The following EPHA6 variants were observed in gnomAD, a reference collection of about 807,000 sequenced individuals.
The protein encoded by EPHA6 is ephrin type-A receptor 6.
In EPHA6, 50 loss-of-function variants were observed where a neutral mutation model predicts 112.0. That is an observed-to-expected ratio of 0.45 (90% CI 0.36 to 0.56). EPHA6 has a LOEUF of 0.56. EPHA6 is among the 20% of genes least tolerant of loss of function. EPHA6 has a pLI of 0.00. For synonymous variants in EPHA6, 529 were observed against 490.7 expected, an observed-to-expected ratio of 1.08 and a Z score of -1.03; for missense variants, 1,280 against 1,417.4, an observed-to-expected ratio of 0.90 and a Z score of 1.56.
chr3:97,280,636 A>C (rs2108661542), intron 5 of EPHA6, among the ~76,000 whole-genome samples: 1 of 152,222 alleles, frequency 6.6e-6, no homozygotes, highest in East Asian at 1.9e-4. Flanking sequence ...GTGTGTCAAT[A>C]ATTTGAACAT....
At chr3:97,744,304 T>C (rs1006809047) in intron 16 of EPHA6, among the ~76,000 whole-genome samples, 2 of 152,066 alleles carry the variant, frequency 1.3e-5, no homozygotes, top group Admixed American at 6.6e-5. Context: ...AATTTCTACA[T>C]GCTTAGCAAA....
At chr3:97,693,903 T>C (rs2032844675) in intron 14 of EPHA6, among the ~76,000 whole-genome samples, 1 of 152,200 alleles carries the variant, frequency 6.6e-6, no homozygotes, top group Non-Finnish European at 1.5e-5. Context: ...ATCATCATCA[T>C]CATTATTATT....
intron 5 of EPHA6, among the ~76,000 whole-genome samples, chr3:97,349,127 T>C (rs1236336184): frequency 6.6e-6 from 1 of 152,096 alleles, no homozygotes; most frequent in Non-Finnish European, 1.5e-5. Context: ...AAAATTTATC[T>C]GGTATCAATT....
chr3:97,144,214 A>T (rs2108359444), intron 3 of EPHA6, among the ~76,000 whole-genome samples: 1 of 151,852 alleles, frequency 6.6e-6, no homozygotes, highest in Middle Eastern at 3.4e-3. Flanking sequence ...TAGTATAGGT[A>T]TACTAATTAT....
chr3:97,420,244 A>G (rs2088506267), intron 6 of EPHA6, among the ~76,000 whole-genome samples: 1 of 151,920 alleles, frequency 6.6e-6, no homozygotes, highest in African/African-American at 2.4e-5. Context: ...TTCTCTGTGA[A>G]CCCTTTGATA....
At chr3:96,951,360 G>A (rs943440138) in intron 2 of EPHA6, among the ~76,000 whole-genome samples, 15 of 151,940 alleles carry the variant, frequency 9.9e-5, no homozygotes, top group African/African-American at 3.4e-4. Flanking sequence ...TCAATCAGTA[G>A]CATTTATAAA....
intron 2 of EPHA6, among the ~76,000 whole-genome samples, chr3:96,884,703 A>G (rs892790780): frequency 6.6e-6 from 1 of 152,104 alleles, no homozygotes; most frequent in Admixed American, 6.6e-5. Context: ...ACCGATTTGG[A>G]TGCCCTTTAT....
rs562716801 is a variant in EPHA6, at chr3:96,833,961, C to A, written c.385+18953C>A. On this transcript the variant is annotated intron_variant, in intron 1 of 17. Transcript: ENST00000389672. ...AAAAAAATTTCCCAAAGCTAACTGA[C>A]AACAACAAAAGAAACAGTAATAACT... is the stretch of plus-strand genomic sequence containing the variant. Among the ~76,000 whole-genome samples the A allele has an allele frequency of 8.6e-5, 13 of 151,944 alleles. No individual in the cohort carries two copies. The South Asian group carries it at 2.5e-3, about 29-fold the overall frequency.
chr3:97,221,150 T>C (rs1402019440), intron 3 of EPHA6, among the ~76,000 whole-genome samples: 1 of 151,080 alleles, frequency 6.6e-6, no homozygotes, highest in East Asian at 1.9e-4. Flanking sequence ...TCGACTCTAC[T>C]AAAAATGCAG....
intron 1 of EPHA6, among the ~76,000 whole-genome samples, chr3:96,841,064 A>G (rs1485295722): frequency 1.3e-5 from 2 of 152,040 alleles, no homozygotes; most frequent in Non-Finnish European, 2.9e-5. Context: ...TGGTAGGCGA[A>G]CGTTTGGTTT....
intron 2 of EPHA6, among the ~76,000 whole-genome samples, chr3:96,871,586 CT>C (rs199979192): frequency 6.6e-6 from 1 of 151,682 alleles, no homozygotes; most frequent in Non-Finnish European, 1.5e-5. Context: ...AGAATGAGTA[CT>C]TTTTTCATTT....
At chr3:97,532,582 C>A in intron 11 of EPHA6, 39 bp downstream of exon 11, 1 of 1,516,880 alleles carries the variant, frequency 6.6e-7, no homozygotes, top group Non-Finnish European at 8.9e-7. Context: ...TTTCACACAC[C>A]TATCTCAGTT....
rs1305771002 is a variant in EPHA6, at chr3:97,086,771, C to T, written c.1114+98778C>T. On this transcript the variant is annotated intron_variant, in intron 3 of 17. Coordinates refer to ENST00000389672, the MANE Select transcript of EPHA6 (RefSeq NM_001080448.3). ...CAGGGAGAAATCAAAAGATTTTGTA[C>T]ATGGGAATTTATTACTCTGATGAAT... 2.6e-5 allele frequency among the ~76,000 whole-genome samples: 4 copies of T among 152,038 alleles called. No homozygotes were observed. The East Asian group carries it at 7.7e-4, about 29-fold the overall frequency.
chr3:97,187,737 G>GAA (rs1180267205), intron 3 of EPHA6, among the ~76,000 whole-genome samples: 2 of 147,622 alleles, frequency 1.4e-5, no homozygotes, highest in South Asian at 4.3e-4. Context: ...AAGAAAGAAA[G>GAA]AAAGAAAGAG....
intron 3 of EPHA6, among the ~76,000 whole-genome samples, chr3:97,218,981 A>C (rs1437647887): frequency 2.0e-5 from 3 of 152,126 alleles, no homozygotes; most frequent in African/African-American, 7.2e-5. Flanking sequence ...TAAGTCTGAA[A>C]TCTAGTGTGG....
At chr3:97,594,110 T>C (rs909490510) in intron 12 of EPHA6, among the ~76,000 whole-genome samples, 1 of 152,186 alleles carries the variant, frequency 6.6e-6, no homozygotes, top group African/African-American at 2.4e-5. Context: ...ATGAGCAGAT[T>C]GTGTAGAGTT....
intron 10 of EPHA6, among the ~76,000 whole-genome samples, chr3:97,500,353 C>T (rs866385105): frequency 2.6e-5 from 4 of 152,112 alleles, no homozygotes; most frequent in Middle Eastern, 3.4e-3. Context: ...ACGATGCTGA[C>T]ACCTGCTCAG....
rs376067537 is a variant in EPHA6 at position 97,177,013 on chromosome 3, C to T, written c.1115-49251C>T. On this transcript the variant is annotated intron_variant, in intron 3 of 17. Transcript: ENST00000389672. ...AGTTTTCCCTCTCTTTTGATGTAGG[C>T]ACTTGTAGCTATAAATTTTCCTCTG... Among the ~76,000 whole-genome samples the T allele has an allele frequency of 4.3e-4, 66 of 151,834 alleles. 1 individual carries two copies. The highest frequency in any genetic ancestry group is 1.3e-3 in the African/African-American group (56 of 41,490).
At chr3:96,951,189 C>G (rs184284610) in intron 2 of EPHA6, among the ~76,000 whole-genome samples, 143 of 152,220 alleles carry the variant, frequency 9.4e-4, no homozygotes, top group Non-Finnish European at 1.5e-3. Flanking sequence ...CAACCAGAGA[C>G]TAGCCCATAG....
Sources: gnomAD v4.1 joint callset for allele counts (sites outside exome capture counted in the v4.1 genomes callset) on GRCh38, gnomAD v4.1.1 for gene constraint, MANE v1.5 for transcripts, NCBI Gene and HGNC (gene_info 2026-07-23, HGNC 2026-07-21) for gene names.